Variants in APP observed in about 807,000 individuals in gnomAD.
APP encodes the protein amyloid-beta precursor protein.
In APP, 31 loss-of-function variants were observed where a neutral mutation model predicts 101.4. The observed-to-expected ratio is 0.31, with a 90% CI of 0.23 to 0.41. APP has a LOEUF of 0.41. Among genes scored for constraint, APP ranks in the 10% least tolerant of loss-of-function variants. The pLI is 1.00. For missense variants in APP, 839 were observed against 1,003.7 expected (o/e 0.84, Z 2.22); for synonymous variants, 366 against 364.4 (o/e 1.00, Z -0.05).
At chr21:26,040,605 T>TAAAAAAA (rs35349551) in intron 5 of APP, among the ~76,000 whole-genome samples, 1 of 125,350 alleles carries the variant, frequency 8.0e-6, no homozygotes. Context: ...CCGTCTCCAT[T>TAAAAAAA]AAAAAAAAAA....
chr21:26,054,764 C>T (rs1309749940), intron 3 of APP, among the ~76,000 whole-genome samples: 1 of 151,100 alleles, frequency 6.6e-6, no homozygotes, highest in Admixed American at 6.6e-5. Flanking sequence ...TAGACATAAA[C>T]CCACAACTCC....
intron 6 of APP, among the ~76,000 whole-genome samples, chr21:26,007,802 C>T: frequency 6.6e-6 from 1 of 152,088 alleles, no homozygotes; most frequent in East Asian, 1.9e-4. Flanking sequence ...TAGAAAAGAA[C>T]ATTTTTCAAG....
intron 12 of APP, 136 bp downstream of exon 12, chr21:25,955,491 C>T (rs1178190814): frequency 1.0e-5 from 13 of 1,263,912 alleles, no homozygotes; most frequent in Non-Finnish European, 1.3e-5. Flanking sequence ...TTAGAATTTA[C>T]CAGAAGTTAA....
chr21:25,884,931 G>C (rs890856184), intron 17 of APP, among the ~76,000 whole-genome samples: 1 of 152,228 alleles, frequency 6.6e-6, no homozygotes, highest in Admixed American at 6.5e-5. Context: ...GCTTAAGAGT[G>C]CCCTGCTAGA....
intron 5 of APP, among the ~76,000 whole-genome samples, chr21:26,025,386 AG>A (rs2044524898): frequency 6.6e-6 from 1 of 152,244 alleles, no homozygotes; most frequent in Non-Finnish European, 1.5e-5. Flanking sequence ...AGGGAAAGTC[AG>A]GAAGAAAAAT....
intron 6 of APP, among the ~76,000 whole-genome samples, chr21:26,012,621 C>T (rs936175810): frequency 6.6e-6 from 1 of 152,234 alleles, no homozygotes; most frequent in Admixed American, 6.5e-5. Flanking sequence ...TTCAAATCCA[C>T]AGCTTTGTAA....
intron 6 of APP, among the ~76,000 whole-genome samples, chr21:26,018,859 T>G (rs775945940): frequency 3.9e-5 from 6 of 152,348 alleles, no homozygotes; most frequent in Middle Eastern, 3.4e-3. Context: ...TGGAGTGTTT[T>G]GTTTATGAAA....
intron 13 of APP, among the ~76,000 whole-genome samples, chr21:25,945,211 A>C (rs1438208639): frequency 6.6e-6 from 1 of 152,170 alleles, no homozygotes; most frequent in Non-Finnish European, 1.5e-5. Flanking sequence ...TAGCATGCTA[A>C]ATCAGTTCTC....
intron 1 of APP, among the ~76,000 whole-genome samples, chr21:26,167,733 T>C (rs977882999): frequency 6.6e-6 from 1 of 152,246 alleles, no homozygotes; most frequent in African/African-American, 2.4e-5. Context: ...TGAACTTGCA[T>C]GTTCCTTTTC....
intron 2 of APP, among the ~76,000 whole-genome samples, chr21:26,094,153 A>C (rs1262822509): frequency 1.3e-5 from 2 of 151,970 alleles, no homozygotes; most frequent in African/African-American, 4.8e-5. Context: ...CATAAAGCCC[A>C]TGCATAGTTT....
chr21:26,136,403 G>A (rs16997475), intron 1 of APP, among the ~76,000 whole-genome samples: 9,160 of 151,886 alleles, frequency 0.06, 327 homozygotes, highest in African/African-American at 0.085. Flanking sequence ...GGATCCATCA[G>A]GCTTTATCTA....
chr21:26,133,889 A>G (rs2062843839), intron 1 of APP, among the ~76,000 whole-genome samples: 1 of 152,224 alleles, frequency 6.6e-6, no homozygotes, highest in South Asian at 2.1e-4. Context: ...GATATGGTTG[A>G]CCAGATAATA....
In APP at chr21:25,982,462, G is replaced by T. The variant is rs1193124736; in HGVS notation, c.1106C>A (p.Ala369Asp). The change falls in exon 9 of 18, where the codon GCC (alanine) becomes GAC (aspartate). Residue 369 changes from alanine to aspartate, a missense_variant. Ala to Asp is a moderately radical substitution (Grantham distance 126). Transcript: ENST00000346798. ...CTTGTCAACGGCATCAGGGGTACTG[G>T]CTGCTGTTGTAGGAACTATAAAGTA... The part of the protein sequence containing the change: ...RDPVKLPTTA[A>D]STPDAVDKYL... The T allele has an allele frequency of 6.2e-7, 1 of 1,613,682 alleles. No individual in the cohort carries two copies. The highest frequency in any genetic ancestry group is 8.5e-7 in the Non-Finnish European group (1 of 1,179,850).
chr21:26,034,878 G>A (rs966818913), intron 5 of APP, among the ~76,000 whole-genome samples: 2 of 152,044 alleles, frequency 1.3e-5, no homozygotes, highest in Admixed American at 6.6e-5. Context: ...TACATTCTAT[G>A]GGGGGAGAGA....
rs528375973 is a variant in APP, at chr21:25,977,451, C to T, written c.1225-1423G>A. Among the ~76,000 whole-genome samples, 7 of 152,196 alleles carry T rather than the reference C, an allele frequency of 4.6e-5. No homozygotes were observed. In the East Asian group the frequency reaches 1.3e-3, roughly 29 times the overall value. ...GAGCCTGTTTTTTGTAGGTACTTAG[C>T]CTTAAGGAATAGACTCTTCTAACAT... On this transcript the variant is annotated intron_variant, in intron 9 of 17. Transcript: ENST00000346798.
At chr21:25,929,467 C>A (rs142906913) in intron 13 of APP, among the ~76,000 whole-genome samples, 162 of 151,600 alleles carry the variant, frequency 1.1e-3, no homozygotes, top group African/African-American at 3.7e-3. Flanking sequence ...TATGACTATG[C>A]TTAAGGAGAG....
intron 13 of APP, chr21:25,941,590 C>T (rs1023491051): frequency 2.6e-5 from 4 of 152,344 alleles, no homozygotes; most frequent in African/African-American, 9.6e-5. Flanking sequence ...GATTCTCCTG[C>T]TTCAGCCTCC....
At chr21:25,939,144 G>A (rs938280702) in intron 13 of APP, among the ~76,000 whole-genome samples, 4 of 152,122 alleles carry the variant, frequency 2.6e-5, no homozygotes, top group East Asian at 1.9e-4. Flanking sequence ...AATCACCCAG[G>A]ATTCTGAATC....
intron 16 of APP, among the ~76,000 whole-genome samples, chr21:25,895,471 C>G (rs1279018721): frequency 1.7e-4 from 26 of 152,086 alleles, no homozygotes; most frequent in Admixed American, 1.4e-3. Context: ...GCCAACATAA[C>G]TTTTATATGT....
Sources: allele counts gnomAD v4.1 joint callset (sites outside exome capture counted in the v4.1 genomes callset), GRCh38; gene constraint gnomAD v4.1.1; transcripts MANE v1.5; gene names NCBI Gene and HGNC (gene_info 2026-07-23, HGNC 2026-07-21).